Variants in GARRE1 observed in about 807,000 individuals in gnomAD.
GARRE1 encodes the protein granule associated Rac and RHOG effector protein 1.
GARRE1 carries 49 observed loss-of-function variants against 103.2 expected under a neutral mutation model. The ratio of observed to expected loss-of-function variants is 0.47; its 90% CI spans 0.38 to 0.60. The LOEUF is 0.60. Ranked by LOEUF, GARRE1 falls within the 20% of genes least tolerant of loss-of-function variation. GARRE1 has a pLI of 0.00. For synonymous variants in GARRE1, 505 were observed against 532.8 expected (o/e 0.95, Z 0.72); for missense variants, 1,199 against 1,370.5 (o/e 0.87, Z 1.98).
At chr19:34,343,964 G>A (rs1327227973) in intron 10 of GARRE1, among the ~76,000 whole-genome samples, 1 of 152,062 alleles carries the variant, frequency 6.6e-6, no homozygotes, top group East Asian at 1.9e-4. Context: ...ATCAGACAAG[G>A]GCGACTGTTA....
At chr19:34,306,518 G>A (rs757703664) in intron 2 of GARRE1, among the ~76,000 whole-genome samples, 4 of 152,168 alleles carry the variant, frequency 2.6e-5, no homozygotes, top group Non-Finnish European at 4.4e-5. Flanking sequence ...CAGGGCATAT[G>A]TGAGTCCTGT....
intron 1 of GARRE1, among the ~76,000 whole-genome samples, chr19:34,293,996 A>T (rs2073933276): frequency 6.6e-6 from 1 of 151,594 alleles, no homozygotes; most frequent in Non-Finnish European, 1.5e-5. Flanking sequence ...CTGACCTCTC[A>T]GGTGATCCAT....
chr19:34,271,330 CCT>C (rs971348389), intron 1 of GARRE1, among the ~76,000 whole-genome samples: 1 of 150,518 alleles, frequency 6.6e-6, no homozygotes, highest in African/African-American at 2.4e-5. Context: ...CTCACTGCAA[CCT>C]CTGTCTCCCG....
chr19:34,280,047 C>G (rs1465935755), intron 1 of GARRE1, among the ~76,000 whole-genome samples: 1 of 151,378 alleles, frequency 6.6e-6, no homozygotes, highest in South Asian at 2.1e-4. Context: ...GCAGCATCTG[C>G]TCCTGGGGAG....
chr19:34,285,912 GT>G (rs1345143031), intron 1 of GARRE1, among the ~76,000 whole-genome samples: 1 of 152,216 alleles, frequency 6.6e-6, no homozygotes, highest in South Asian at 2.1e-4. Context: ...TGTTTTGAAT[GT>G]TTTTTCTCTC....
At chr19:34,293,093 G>A (rs982152031) in intron 1 of GARRE1, among the ~76,000 whole-genome samples, 1 of 152,116 alleles carries the variant, frequency 6.6e-6, no homozygotes, top group Admixed American at 6.6e-5. Flanking sequence ...TCTTACTGAA[G>A]TAATCAGTTT....
At chr19:34,303,832 T>C (rs1282869204) in intron 2 of GARRE1, among the ~76,000 whole-genome samples, 3 of 152,188 alleles carry the variant, frequency 2.0e-5, no homozygotes, top group Non-Finnish European at 4.4e-5. Flanking sequence ...GTCAGGCTGG[T>C]CTCAAACTCC....
intron 1 of GARRE1, among the ~76,000 whole-genome samples, chr19:34,281,976 T>G (rs2073856943): frequency 6.6e-6 from 1 of 152,218 alleles, no homozygotes; most frequent in Admixed American, 6.5e-5. Flanking sequence ...TTTTGGTTTA[T>G]TCTCCCATGG....
intron 13 of GARRE1, 69 bp downstream of exon 13, chr19:34,351,661 A>C: frequency 1.9e-6 from 2 of 1,063,888 alleles, no homozygotes; most frequent in Non-Finnish European, 1.4e-6. Context: ...AGAGGGCCTC[A>C]AAGTAATGAG....
chr19:34,290,280 C>T (rs1191394507), intron 1 of GARRE1, among the ~76,000 whole-genome samples: 1 of 151,988 alleles, frequency 6.6e-6, no homozygotes, highest in African/African-American at 2.4e-5. Flanking sequence ...GGCTTGAGCC[C>T]AGGAGGCGGA....
chr19:34,299,469 TG>T (rs1451208222), intron 1 of GARRE1, among the ~76,000 whole-genome samples: 1 of 152,214 alleles, frequency 6.6e-6, no homozygotes, highest in East Asian at 1.9e-4. Flanking sequence ...CATACTTTTT[TG>T]GTTGCATTGT....
intron 8 of GARRE1, among the ~76,000 whole-genome samples, chr19:34,338,088 T>C (rs2074169155): frequency 6.6e-6 from 1 of 152,206 alleles, no homozygotes; most frequent in South Asian, 2.1e-4. Context: ...CTGATATATT[T>C]CTTCCCAAGT....
intron 1 of GARRE1, among the ~76,000 whole-genome samples, chr19:34,279,077 T>C (rs968332742): frequency 1.3e-5 from 2 of 152,276 alleles, no homozygotes; most frequent in South Asian, 2.1e-4. Context: ...TTGACTATTA[T>C]GAATAATGCT....
intron 1 of GARRE1, among the ~76,000 whole-genome samples, chr19:34,256,973 G>A (rs2073677208): frequency 6.6e-6 from 1 of 152,034 alleles, no homozygotes; most frequent in African/African-American, 2.4e-5. Context: ...CATATGAAGA[G>A]TTCAGGTTTG....
At chr19:34,307,033 C>T (rs1478521990) in intron 2 of GARRE1, among the ~76,000 whole-genome samples, 1 of 152,084 alleles carries the variant, frequency 6.6e-6, no homozygotes, top group Non-Finnish European at 1.5e-5. Flanking sequence ...GAGGGAGCGC[C>T]GAGCACAGAG....
chr19:34,319,621 G>C (rs889202007), intron 2 of GARRE1, among the ~76,000 whole-genome samples: 1 of 152,066 alleles, frequency 6.6e-6, no homozygotes, highest in East Asian at 1.9e-4. Flanking sequence ...CCAGATATAG[G>C]GGGTGGAGAC....
chr19:34,316,337 C>T (rs1474404246), intron 2 of GARRE1, among the ~76,000 whole-genome samples: 1 of 152,192 alleles, frequency 6.6e-6, no homozygotes, highest in Non-Finnish European at 1.5e-5. Flanking sequence ...CCCAGCTTCC[C>T]CCATGTGTTC....
At chr19:34,274,413 C>T (rs1488167259) in intron 1 of GARRE1, among the ~76,000 whole-genome samples, 1 of 151,938 alleles carries the variant, frequency 6.6e-6, no homozygotes, top group Non-Finnish European at 1.5e-5. Flanking sequence ...CTCAAGAAGG[C>T]AGGAAGGATA....
At position 34,348,037 on chromosome 19, in the gene GARRE1, A is replaced by C. The variant is rs751012350; in HGVS notation, c.2682A>C (p.Thr894=). The change falls in exon 11 of 14, where the codon ACA becomes ACC. Residue 894 remains threonine (T), a synonymous_variant. Transcript: ENST00000299505. ...HRTWPFPEFF[T]EGDGLHGGWS... is the part of the protein sequence containing the mutation. Reference sequence around the variant, plus strand: ...CCTGGCCCTTCCCCGAGTTCTTCACAGAAGGGTGAGTGCTGGGTACTTCAG... The same window carrying C: ...CCTGGCCCTTCCCCGAGTTCTTCACCGAAGGGTGAGTGCTGGGTACTTCAG... 2.7e-6 allele frequency: 4 copies of C among 1,482,564 alleles called. No individual in the cohort carries two copies. Among genetic ancestry groups the C allele is most frequent in the South Asian group, 2.7e-5 (2 of 73,624 alleles). The allele number at this position is 1,482,564 out of a possible 1,614,324, so 91.8% of individuals were successfully genotyped here.
Sources: allele counts gnomAD v4.1 joint callset (sites outside exome capture counted in the v4.1 genomes callset), GRCh38; gene constraint gnomAD v4.1.1; transcripts MANE v1.5; gene names NCBI Gene and HGNC (gene_info 2026-07-23, HGNC 2026-07-21).